RABGAP1L: variants seen among roughly 807,000 people sequenced by gnomAD.
The protein encoded by RABGAP1L is RAB GTPase activating protein 1 like, also known as rab GTPase-activating protein 1-like.
In RABGAP1L, 63 loss-of-function variants were observed where a neutral mutation model predicts 137.7. The ratio of observed to expected loss-of-function variants is 0.46; its 90% CI spans 0.37 to 0.56. RABGAP1L has a LOEUF of 0.56. Ranked by LOEUF, RABGAP1L falls within the 20% of genes least tolerant of loss-of-function variation. RABGAP1L has a pLI of 0.00. For missense variants in RABGAP1L, 1,095 were observed against 1,244.0 expected (o/e 0.88, Z 1.80); for synonymous variants, 431 against 433.7 (o/e 0.99, Z 0.08).
intron 13 of RABGAP1L, among the ~76,000 whole-genome samples, chr1:174,600,811 G>A (rs935247882): frequency 2.6e-5 from 4 of 152,124 alleles, no homozygotes; most frequent in South Asian, 2.1e-4. Flanking sequence ...CAAACTGTCC[G>A]TGGATCTACC....
At chr1:174,751,185 A>G (rs554458648) in intron 17 of RABGAP1L, among the ~76,000 whole-genome samples, 1 of 152,278 alleles carries the variant, frequency 6.6e-6, no homozygotes, top group East Asian at 1.9e-4. Flanking sequence ...ATTTTAACCA[A>G]CTGAATATTT....
At chr1:174,868,339 G>C (rs1651641687) in intron 19 of RABGAP1L, among the ~76,000 whole-genome samples, 1 of 152,146 alleles carries the variant, frequency 6.6e-6, no homozygotes, top group African/African-American at 2.4e-5. Context: ...TATTGTGTAA[G>C]AACTAAAAGA....
At chr1:174,375,621 A>G (rs1478230956) in intron 12 of RABGAP1L, among the ~76,000 whole-genome samples, 1 of 152,206 alleles carries the variant, frequency 6.6e-6, no homozygotes, top group African/African-American at 2.4e-5. Flanking sequence ...GAAATCGACA[A>G]ACACTTGAAA....
chr1:174,217,500 A>C (rs548922809), intron 1 of RABGAP1L, among the ~76,000 whole-genome samples: 2 of 152,194 alleles, frequency 1.3e-5, no homozygotes, highest in African/African-American at 2.4e-5. Context: ...AGGAGCAGCA[A>C]CCTGAGAAGG....
chr1:174,184,755 T>C (rs1301615342), intron 1 of RABGAP1L, among the ~76,000 whole-genome samples: 5 of 152,230 alleles, frequency 3.3e-5, no homozygotes, highest in Admixed American at 6.5e-5. Flanking sequence ...GTAGCTGTTC[T>C]TGCCTAGAGT....
intron 13 of RABGAP1L, among the ~76,000 whole-genome samples, chr1:174,518,790 C>T (rs1294262100): frequency 6.6e-6 from 1 of 152,148 alleles, no homozygotes; most frequent in African/African-American, 2.4e-5. Context: ...ATGGCAGTAG[C>T]CTTCTTCACT....
At chr1:174,613,745 A>G (rs969364428) in intron 13 of RABGAP1L, among the ~76,000 whole-genome samples, 1 of 152,184 alleles carries the variant, frequency 6.6e-6, no homozygotes, top group Non-Finnish European at 1.5e-5. Flanking sequence ...GTGCTCCTGT[A>G]TTGGGTGCAT....
At chr1:174,637,754 G>A (rs572345704) in intron 14 of RABGAP1L, among the ~76,000 whole-genome samples, 2 of 152,250 alleles carry the variant, frequency 1.3e-5, no homozygotes, top group South Asian at 4.1e-4. Context: ...GGTCCTCTGA[G>A]GCTATGCTAT....
intron 18 of RABGAP1L, among the ~76,000 whole-genome samples, chr1:174,777,690 T>C (rs2148751382): frequency 6.6e-6 from 1 of 152,316 alleles, no homozygotes; most frequent in African/African-American, 2.4e-5. Flanking sequence ...AAATGCAAGA[T>C]ATTTAAAAAG....
intron 13 of RABGAP1L, among the ~76,000 whole-genome samples, chr1:174,544,391 CT>C (rs1465497843): frequency 6.6e-6 from 1 of 152,168 alleles, no homozygotes; most frequent in Non-Finnish European, 1.5e-5. Context: ...ATTTAATCAG[CT>C]GCTGAAGCTT....
In RABGAP1L at chr1:174,859,220, G is replaced by A. The variant is rs544754651; in HGVS notation, c.2340+47260G>A. ...TGTGAGGCCGAGCGTGGTGGCTCAC[G>A]CCTTTAATCCCAGCACTTTGGGAGG... On this transcript the variant is annotated intron_variant, in intron 19 of 25. Coordinates refer to ENST00000681986, the MANE Select transcript of RABGAP1L (RefSeq NM_001366446.1). Among the ~76,000 whole-genome samples, 21 of 152,240 alleles carry A rather than the reference G, an allele frequency of 1.4e-4. No homozygotes were observed. The East Asian group carries it at 3.3e-3, about 24-fold the overall frequency.
At chr1:174,771,406 G>C (rs982585533) in intron 18 of RABGAP1L, among the ~76,000 whole-genome samples, 1 of 151,988 alleles carries the variant, frequency 6.6e-6, no homozygotes, top group Non-Finnish European at 1.5e-5. Flanking sequence ...GAGTAGATAA[G>C]AATCTTTGTA....
intron 11 of RABGAP1L, among the ~76,000 whole-genome samples, chr1:174,326,611 T>C (rs1314832769): frequency 6.6e-6 from 1 of 152,176 alleles, no homozygotes; most frequent in Non-Finnish European, 1.5e-5. Context: ...CGAGAGGGAC[T>C]GGAGTAGGGG....
At position 174,430,265 on chromosome 1, in the gene RABGAP1L, C is replaced by A. The variant is rs116084723; in HGVS notation, c.1710+36120C>A. On this transcript the variant is annotated intron_variant, in intron 13 of 25. Transcript: ENST00000681986. ...GGTGTGGTGGTACATGCCTGTAGTC[C>A]CAGAGGCTCAGGTGGGAGGATTGCT... is the stretch of plus-strand genomic sequence containing the variant. Among the ~76,000 whole-genome samples the A allele has an allele frequency of 1.3e-3, 200 of 151,834 alleles. 1 individual carries two copies. The highest frequency in any genetic ancestry group is 4.5e-3 in the African/African-American group (186 of 41,358).
intron 1 of RABGAP1L, among the ~76,000 whole-genome samples, chr1:174,181,083 A>G (rs1315858731): frequency 6.6e-6 from 1 of 152,220 alleles, no homozygotes; most frequent in Non-Finnish European, 1.5e-5. Context: ...CTTTTCTATT[A>G]GGTTCTTTTT....
intron 11 of RABGAP1L, among the ~76,000 whole-genome samples, chr1:174,340,853 C>G (rs896630495): frequency 3.9e-5 from 6 of 152,194 alleles, no homozygotes; most frequent in South Asian, 2.1e-4. Flanking sequence ...GCCACATTGT[C>G]TTCCACAATG....
chr1:174,562,049 A>G lies in RABGAP1L; in HGVS notation c.1711-75326A>G, dbSNP rs146351028. Among the ~76,000 whole-genome samples the G allele has an allele frequency of 3.2e-4, 49 of 152,352 alleles. No homozygotes were observed. In the East Asian group the frequency reaches 7.7e-3, roughly 24 times the overall value. On this transcript the variant is annotated intron_variant, in intron 13 of 25. Transcript: ENST00000681986. ...GAGCTTCTGCACAGAAAGAGACAGT[A>G]TCATCAGAAGGAACAGGAAATCTAC...
intron 19 of RABGAP1L, among the ~76,000 whole-genome samples, chr1:174,819,187 T>TAA (rs71299431): frequency 0.046 from 2,069 of 44,834 alleles, 225 homozygotes; most frequent in Middle Eastern, 0.095. Flanking sequence ...TGCCTGTCTC[T>TAA]AAAAAAAAAA....
At position 174,220,944 on chromosome 1, in the gene RABGAP1L, A is replaced by G. The variant is rs776527934; in HGVS notation, c.139-28A>G. On this transcript the variant is annotated intron_variant, in intron 2 of 25. Transcript: ENST00000681986. ...TAGCTTCAGAACTATGGTAGAATTG[A>G]AACAGAATTGTCTTGCTGTGTCTGT... 23 of 1,521,542 alleles carry G rather than the reference A, an allele frequency of 1.5e-5. No homozygotes were observed. In the African/African-American group the frequency reaches 2.9e-4, roughly 19 times the overall value. 94.3% of individuals were successfully genotyped at this position (1,521,542 alleles called of 1,614,324 possible).
Sources: gnomAD v4.1 joint callset for allele counts (sites outside exome capture counted in the v4.1 genomes callset) on GRCh38, gnomAD v4.1.1 for gene constraint, MANE v1.5 for transcripts, NCBI Gene and HGNC (gene_info 2026-07-23, HGNC 2026-07-21) for gene names.